HSD17B11: variants seen among roughly 807,000 people sequenced by gnomAD.
HSD17B11 encodes hydroxysteroid 17-beta dehydrogenase 11.
In HSD17B11, 22 loss-of-function variants were observed where a neutral mutation model predicts 27.8. The ratio of observed to expected loss-of-function variants is 0.79; its 90% CI spans 0.56 to 1.13. The LOEUF (loss-of-function observed/expected upper bound fraction) is 1.13. HSD17B11 is among the 50% of genes most tolerant of loss of function. HSD17B11 has a pLI of 0.00. For synonymous variants in HSD17B11, 117 were observed against 132.8 expected (o/e 0.88, Z 0.82); for missense variants, 314 against 351.1 (o/e 0.89, Z 0.84).
intron 5 of HSD17B11, 118 bp downstream of exon 5, chr4:87,357,161 A>G: frequency 9.1e-7 from 1 of 1,095,294 alleles, no homozygotes; most frequent in Non-Finnish European, 1.3e-6. Context: ...CTGAAATCAA[A>G]ATGAACTAAG....
At chr4:87,387,437 C>A (rs1292600294) in intron 1 of HSD17B11, among the ~76,000 whole-genome samples, 1 of 152,174 alleles carries the variant, frequency 6.6e-6, no homozygotes, top group Non-Finnish European at 1.5e-5. Flanking sequence ...GATCTCATAA[C>A]AATCAAACAC....
At chr4:87,372,431 GAGA>G (rs1300523181) in intron 4 of HSD17B11, among the ~76,000 whole-genome samples, 1 of 151,956 alleles carries the variant, frequency 6.6e-6, no homozygotes, top group Non-Finnish European at 1.5e-5. Flanking sequence ...GCTATTAAAA[GAGA>G]TGAGAAATGT....
intron 1 of HSD17B11, among the ~76,000 whole-genome samples, 173 bp from the exon 2 acceptor site, chr4:87,382,535 T>G (rs1041606801): frequency 6.6e-6 from 1 of 152,254 alleles, no homozygotes; most frequent in Non-Finnish European, 1.5e-5. Context: ...TTGCTTTTAG[T>G]ATTTTGACTA....
At chr4:87,389,345 C>A (rs958241251) in intron 1 of HSD17B11, among the ~76,000 whole-genome samples, 24 of 152,170 alleles carry the variant, frequency 1.6e-4, no homozygotes, top group Non-Finnish European at 3.2e-4. Context: ...GCCTCAGCCT[C>A]ATGAGTAGCT....
intron 6 of HSD17B11, among the ~76,000 whole-genome samples, chr4:87,339,613 T>C (rs909784517): frequency 2.0e-5 from 3 of 152,134 alleles, no homozygotes; most frequent in Non-Finnish European, 4.4e-5. Context: ...CTCTCCCCTT[T>C]CCCCTCCTTA....
chr4:87,372,645 G>T, intron 4 of HSD17B11, 64 bp downstream of exon 4: 1 of 969,748 alleles, frequency 1.0e-6, no homozygotes, highest in Non-Finnish European at 1.7e-6. Flanking sequence ...TTATTAGACA[G>T]GGTAAGAAAT....
chr4:87,337,428 C>T, intron 6 of HSD17B11, 62 bp from the exon 7 acceptor site: 1 of 925,042 alleles, frequency 1.1e-6, no homozygotes, highest in Non-Finnish European at 1.7e-6. Context: ...GTAGAATACC[C>T]TCTTTAGAAA....
At chr4:87,383,189 T>A (rs1720218683) in intron 1 of HSD17B11, among the ~76,000 whole-genome samples, 3 of 152,276 alleles carry the variant, frequency 2.0e-5, no homozygotes, top group African/African-American at 2.4e-5. Context: ...ATTAGTGTTG[T>A]TGGATGGATC....
chr4:87,373,099 G>A (rs917134767), intron 3 of HSD17B11: 111 of 300,506 alleles, frequency 3.7e-4, no homozygotes, highest in African/African-American at 2.4e-3. Flanking sequence ...CAGCACTTTG[G>A]GAGGCCAACT....
chr4:87,342,939 A>C (rs1735196825), intron 5 of HSD17B11, among the ~76,000 whole-genome samples: 1 of 152,226 alleles, frequency 6.6e-6, no homozygotes, highest in Non-Finnish European at 1.5e-5. Context: ...TGAATCCAGA[A>C]ACTGAAGGAT....
chr4:87,353,631 G>C (rs1015817633), intron 5 of HSD17B11, among the ~76,000 whole-genome samples: 11 of 152,182 alleles, frequency 7.2e-5, no homozygotes, highest in Admixed American at 2.0e-4. Context: ...CAGCATTTCT[G>C]GAGAGGAGTT....
Position 87,367,802 on chromosome 4 carries a change from C to T in HSD17B11, c.557+4907G>A, listed in dbSNP as rs373507930. Among the ~76,000 whole-genome samples, 22 of 152,294 alleles carry T rather than the reference C, an allele frequency of 1.4e-4. No homozygotes were observed. The East Asian group carries it at 2.3e-3, about 16-fold the overall frequency. On this transcript the variant is annotated intron_variant, in intron 4 of 6. Coordinates refer to ENST00000358290, the MANE Select transcript of HSD17B11 (RefSeq NM_016245.5). ...GATGGGTAATGTAAAATTCTAGGCA[C>T]ATTGCAATCAGCTAGCAACCCCATA...
intron 3 of HSD17B11, among the ~76,000 whole-genome samples, 184 bp from the exon 4 acceptor site, chr4:87,372,999 G>C (rs917913163): frequency 6.6e-6 from 1 of 152,170 alleles, no homozygotes; most frequent in African/African-American, 2.4e-5. Flanking sequence ...TAGAAAACCT[G>C]AGCAAAACAA....
intron 4 of HSD17B11, among the ~76,000 whole-genome samples, chr4:87,369,276 CAT>C (rs755677314): frequency 3.3e-5 from 5 of 151,576 alleles, no homozygotes; most frequent in African/African-American, 9.7e-5. Context: ...TATAGAAAGG[CAT>C]ATATATATAT....
intron 5 of HSD17B11, among the ~76,000 whole-genome samples, chr4:87,353,956 A>T (rs1272814102): frequency 6.6e-6 from 1 of 152,096 alleles, no homozygotes; most frequent in African/African-American, 2.4e-5. Flanking sequence ...CCATTTCCCA[A>T]CCTGAAAAAC....
intron 6 of HSD17B11, among the ~76,000 whole-genome samples, chr4:87,338,219 A>T (rs1357798215): frequency 6.6e-6 from 1 of 150,512 alleles, no homozygotes; most frequent in African/African-American, 2.5e-5. Context: ...TCCGTCCCCC[A>T]CAGCACCCCC....
chr4:87,377,712 C>T (rs781005438), intron 2 of HSD17B11, among the ~76,000 whole-genome samples: 9 of 152,026 alleles, frequency 5.9e-5, no homozygotes, highest in East Asian at 1.9e-4. Flanking sequence ...TAGACCCTAG[C>T]GTCCTAATGC....
intron 2 of HSD17B11, among the ~76,000 whole-genome samples, chr4:87,380,918 C>T (rs866378518): frequency 4.9e-5 from 7 of 143,992 alleles, no homozygotes; most frequent in South Asian, 2.2e-4. Context: ...TGGTGGCTCA[C>T]GCGTGTAATC....
chr4:87,380,862 T>TA (rs1720139487), intron 2 of HSD17B11, among the ~76,000 whole-genome samples: 1 of 31,886 alleles, frequency 3.1e-5, no homozygotes, highest in South Asian at 1.1e-3. Context: ...AGACTCTATC[T>TA]CAAAAAAAAA....
Sources: allele counts gnomAD v4.1 joint callset (sites outside exome capture counted in the v4.1 genomes callset), GRCh38; gene constraint gnomAD v4.1.1; transcripts MANE v1.5; gene names NCBI Gene and HGNC (gene_info 2026-07-23, HGNC 2026-07-21).